ZNF814: variants seen among roughly 807,000 people sequenced by gnomAD.
The protein encoded by ZNF814 is zinc finger protein 814.
Under a neutral mutation model 7.5 loss-of-function variants are expected in ZNF814, and 5 were observed. The ratio of observed to expected loss-of-function variants is 0.67; its 90% CI spans 0.35 to 1.40. ZNF814 has a LOEUF of 1.40. ZNF814 is among the 40% of genes most tolerant of loss of function. The pLI is 0.04. For missense variants in ZNF814, 962 were observed against 1,018.0 expected, an observed-to-expected ratio of 0.94 and a Z score of 0.75; for synonymous variants, 315 against 340.7, an observed-to-expected ratio of 0.92 and a Z score of 0.83.
chr19:57,883,515 G>C (rs1464795051), intron 1 of ZNF814, among the ~76,000 whole-genome samples: 1 of 151,650 alleles, frequency 6.6e-6, no homozygotes, highest in Non-Finnish European at 1.5e-5. Flanking sequence ...ACAAAAATTA[G>C]CCGGATGTGG....
chr19:57,884,646 C>A (rs1389505948), intron 1 of ZNF814, among the ~76,000 whole-genome samples: 1 of 151,992 alleles, frequency 6.6e-6, no homozygotes, highest in East Asian at 1.9e-4. Flanking sequence ...CAATGACATA[C>A]AAATGGCAAA....
chr19:57,890,335 T>A (rs1339697663), upstream of ZNF814, among the ~76,000 whole-genome samples: 1 of 151,662 alleles, frequency 6.6e-6, no homozygotes, highest in Admixed American at 6.6e-5. Context: ...GAGACTGGGG[T>A]TTTTTGTTGT....
rs747743025 is a variant in ZNF814 at position 57,873,945 on chromosome 19, T to C, written c.1445A>G (p.His482Arg). ...SFSHKRSLVH[H>R]QRVHSGERPY... Reference sequence around the variant, plus strand: ...TCTTTCTCCACTGTGAACTCGCTGATGGTGAACAAGGCTGCGCTTATGACT... The same window carrying C: ...TCTTTCTCCACTGTGAACTCGCTGACGGTGAACAAGGCTGCGCTTATGACT... Residue 482 changes from histidine to arginine, a missense_variant, in exon 3 of 3, where the codon CAT becomes CGT. Physicochemically the swap from His to Arg is conservative, Grantham distance 29 (BLOSUM62 0). Coordinates refer to ENST00000435989, the MANE Select transcript of ZNF814 (RefSeq NM_001144989.2). 1.9e-6 allele frequency: 3 copies of C among 1,614,076 alleles called. No homozygotes were observed. The highest frequency in any genetic ancestry group is 3.3e-5 in the Admixed American group (2 of 60,020).
chr19:57,897,543 A>G, the ZNF814 span, among the ~76,000 whole-genome samples: 1 of 152,222 alleles, frequency 6.6e-6, no homozygotes. Context: ...CTTTTGGGAA[A>G]AGGGAAGAGG....
At chr19:57,887,787 T>G (rs1166289709) in intron 1 of ZNF814, among the ~76,000 whole-genome samples, 3 of 152,180 alleles carry the variant, frequency 2.0e-5, no homozygotes, top group Admixed American at 6.5e-5. Flanking sequence ...GTTCCCAGGA[T>G]TTTGCTCAAA....
In ZNF814 at chr19:57,872,064, C is replaced by A. The variant is rs535187845; in HGVS notation, c.*758G>T. ...AAGGGTGCAGTGAAATGTGAACACA[C>A]CACTGCACGCCATCCTGAGCGACAC... On this transcript the variant is annotated 3_prime_UTR_variant, in exon 3 of 3. Transcript: ENST00000435989. Among the ~76,000 whole-genome samples the A allele has an allele frequency of 1.4e-4, 22 of 152,202 alleles. No homozygotes were observed. In the East Asian group the frequency reaches 3.9e-3, roughly 27 times the overall value.
At chr19:57,876,809 G>C (rs1440486639) in intron 2 of ZNF814, 107 bp downstream of exon 2, 2 of 1,546,050 alleles carry the variant, frequency 1.3e-6, no homozygotes, top group Non-Finnish European at 1.7e-6. Flanking sequence ...CAGAACTGAA[G>C]CAGGAAGCTG....
chr19:57,879,868 G>A (rs1489699811), intron 1 of ZNF814, among the ~76,000 whole-genome samples: 1 of 123,978 alleles, frequency 8.1e-6, no homozygotes, highest in African/African-American at 3.1e-5. Flanking sequence ...GAGGTGGGTG[G>A]ATCACCTGAG....
Position 57,873,497 on chromosome 19 carries a change from A to C in ZNF814, c.1893T>G (p.Pro631=). The change falls in exon 3 of 3, where the codon CCT becomes CCG. Residue 631 remains proline, a synonymous_variant. Coordinates refer to ENST00000435989, the MANE Select transcript of ZNF814 (RefSeq NM_001144989.2). ...HHQRMHTGER[P]YKCGDCGKSF... is the part of the protein sequence containing the mutation. ...ATTTCCCACAGTCTCCACACTTGTAAGGTCTTTCTCCAGTGTGCATGCGCT... is the reference window on the plus strand; with the variant it reads ...ATTTCCCACAGTCTCCACACTTGTACGGTCTTTCTCCAGTGTGCATGCGCT... 1 of 1,614,146 alleles carries C rather than the reference A, an allele frequency of 6.2e-7. No homozygotes were observed. The highest frequency in any genetic ancestry group is 8.5e-7 in the Non-Finnish European group (1 of 1,180,012).
intron 1 of ZNF814, chr19:57,885,955 GAC>G (rs1157154579): frequency 3.4e-5 from 4 of 118,666 alleles, no homozygotes; most frequent in Non-Finnish European, 6.5e-5. Flanking sequence ...CAGTCTGGAT[GAC>G]AGAGTGAGAC....
At chr19:57,903,128 C>T in the ZNF814 span, among the ~76,000 whole-genome samples, 1 of 152,128 alleles carries the variant, frequency 6.6e-6, no homozygotes, top group Non-Finnish European at 1.5e-5. Flanking sequence ...TCTAAATAGA[C>T]CATGGGAGGC....
chr19:57,889,415 C>T (rs771791551), upstream of ZNF814, among the ~76,000 whole-genome samples: 8 of 152,090 alleles, frequency 5.3e-5, no homozygotes, highest in Non-Finnish European at 7.4e-5. Flanking sequence ...TGTGGTCGGG[C>T]GGGCCTGTGG....
the ZNF814 span, among the ~76,000 whole-genome samples, chr19:57,897,586 A>C: frequency 1.3e-5 from 2 of 152,310 alleles, no homozygotes; most frequent in Non-Finnish European, 2.9e-5. Context: ...AAACCAAGGC[A>C]TATCCGCACA....
At position 57,872,019 on chromosome 19, in the gene ZNF814, G is replaced by C. The variant is rs917641928; in HGVS notation, c.*803C>G. 2.0e-5 allele frequency among the ~76,000 whole-genome samples: 3 copies of C among 152,058 alleles called. No homozygotes were observed. Among genetic ancestry groups the C allele is most frequent in the Admixed American group, 6.6e-5 (1 of 15,250 alleles). On this transcript the variant is annotated 3_prime_UTR_variant, in exon 3 of 3. Transcript: ENST00000435989. ...AGCTACTCAGGAGGCCGAGGCAACA[G>C]AATCACTTAAGCCCAGATCAAGGGT...
Position 57,873,625 on chromosome 19 carries a change from C to G in ZNF814, c.1765G>C (p.Gly589Arg). Residue 589 changes from glycine to arginine, a missense_variant, in exon 3 of 3, where the codon GGG (glycine) becomes CGG (arginine). Gly to Arg is a moderately radical substitution (Grantham distance 125, BLOSUM62 -2). This residue lies in a region of ZNF814 where 665 missense variants were observed against 551.4 expected (regional missense o/e 1.21). Transcript: ENST00000435989. ...ACGCGCTGATGGCTCCTAAGGTGCC[C>G]GATTGAACTAAAAGATTTCCCACAT... ...GECGKSFSSI[G>R]HLRSHQRVHT... The G allele has an allele frequency of 6.2e-7, 1 of 1,613,596 alleles. No individual in the cohort carries two copies. Among genetic ancestry groups the G allele is most frequent in the Non-Finnish European group, 8.5e-7 (1 of 1,179,916 alleles).
chr19:57,897,166 A>G, the ZNF814 span, among the ~76,000 whole-genome samples: 1 of 152,188 alleles, frequency 6.6e-6, no homozygotes, highest in Non-Finnish European at 1.5e-5. Context: ...AGATGTTGTA[A>G]TACAGCTTCT....
upstream of ZNF814, among the ~76,000 whole-genome samples, chr19:57,889,804 C>T (rs891895233): frequency 6.6e-6 from 1 of 151,296 alleles, no homozygotes; most frequent in East Asian, 1.9e-4. Flanking sequence ...TCAGAGGTTG[C>T]GGTGAGTGAG....
At chr19:57,900,987 C>G in the ZNF814 span, among the ~76,000 whole-genome samples, 1 of 151,652 alleles carries the variant, frequency 6.6e-6, no homozygotes, top group Non-Finnish European at 1.5e-5. Context: ...GCTGGGACTA[C>G]AGGCACCCGC....
In ZNF814 at chr19:57,870,044, T is replaced by A. The variant is rs531381818; in HGVS notation, c.*2778A>T. The A allele has an allele frequency of 6.6e-6, 1 of 151,254 alleles. No individual in the cohort carries two copies. Among genetic ancestry groups the A allele is most frequent in the Admixed American group, 6.6e-5 (1 of 15,204 alleles). 9.4% of individuals were successfully genotyped at this position (151,254 alleles called of 1,614,324 possible). Reference sequence around the variant, plus strand: ...TCACGAGGTCAGGAGATCGAGACCATCCTAGTTAACATGGTGAAACCCCAT... The same window carrying A: ...TCACGAGGTCAGGAGATCGAGACCAACCTAGTTAACATGGTGAAACCCCAT... On this transcript the variant is annotated 3_prime_UTR_variant, in exon 3 of 3. Transcript: ENST00000435989.
Sources: allele counts gnomAD v4.1 joint callset (sites outside exome capture counted in the v4.1 genomes callset), GRCh38; gene constraint gnomAD v4.1.1; regional missense constraint gnomAD v4.1.1; transcripts MANE v1.5; gene names NCBI Gene and HGNC (gene_info 2026-07-23, HGNC 2026-07-21).